The following SNX24 variants were observed in gnomAD, a reference collection of about 807,000 sequenced individuals.
The protein encoded by SNX24 is sorting nexin 24, also known as sorting nexin-24.
A neutral mutation model predicts 28.7 loss-of-function variants in SNX24; 22 were observed. The ratio of observed to expected loss-of-function variants is 0.77; its 90% CI spans 0.55 to 1.10. The LOEUF is 1.10. Among genes scored for constraint, SNX24 ranks in the 50% least tolerant of loss-of-function variants. The pLI is 0.00. For missense variants in SNX24, 221 were observed against 201.1 expected (o/e 1.10, Z -0.60); for synonymous variants, 69 against 71.5 (o/e 0.96, Z 0.18).
chr5:123,021,108 C>CG (rs953642987), intron 5 of SNX24, among the ~76,000 whole-genome samples: 32 of 150,764 alleles, frequency 2.1e-4, no homozygotes, highest in Non-Finnish European at 2.8e-4. Context: ...CACAGTTCCC[C>CG]CCCCGTCCCC....
chr5:123,019,842 TC>T (rs879441343), intron 5 of SNX24, among the ~76,000 whole-genome samples: 17 of 152,200 alleles, frequency 1.1e-4, no homozygotes, highest in Non-Finnish European at 2.1e-4. Context: ...AAGTAACAGT[TC>T]CTATTTTCAT....
chr5:122,952,803 T>C (rs1189819219), intron 3 of SNX24, among the ~76,000 whole-genome samples: 4 of 152,180 alleles, frequency 2.6e-5, no homozygotes, highest in Non-Finnish European at 5.9e-5. Context: ...ATGAGAGTTC[T>C]TAGAATTAAG....
At chr5:122,895,903 C>T (rs1425115143) in intron 1 of SNX24, among the ~76,000 whole-genome samples, 1 of 152,334 alleles carries the variant, frequency 6.6e-6, no homozygotes, top group East Asian at 1.9e-4. Flanking sequence ...AATCCCAGCA[C>T]TTTGGACAGC....
intron 5 of SNX24, chr5:123,023,729 T>G (rs1373856169): frequency 1.6e-6 from 2 of 1,265,478 alleles, no homozygotes; most frequent in Admixed American, 6.6e-5. Context: ...CGGTTTGATT[T>G]TTATAACTTT....
intron 1 of SNX24, among the ~76,000 whole-genome samples, chr5:122,848,636 G>C (rs1219946541): frequency 6.6e-6 from 1 of 152,094 alleles, no homozygotes; most frequent in African/African-American, 2.4e-5. Context: ...TTGAGCCCCG[G>C]AGGCGGAGGT....
chr5:122,965,041 G>T (rs1207820616), intron 3 of SNX24, among the ~76,000 whole-genome samples: 2 of 152,134 alleles, frequency 1.3e-5, no homozygotes, highest in Admixed American at 1.3e-4. Context: ...TGTTCTACAG[G>T]TGAAGTAGAA....
In SNX24 at chr5:122,987,332, A is replaced by G. The variant is rs142197195; in HGVS notation, c.250-12580A>G. Among the ~76,000 whole-genome samples, 92 of 152,318 alleles carry G rather than the reference A, an allele frequency of 6.0e-4. 1 individual carries two copies. Among genetic ancestry groups the G allele is most frequent in the African/African-American group, 2.1e-3 (87 of 41,574 alleles). ...AAATGAAAATTCTTAGGCCCCACCC[A>G]AGACCAGCTAGATCAGAAACTCTCT... On this transcript the variant is annotated intron_variant, in intron 3 of 6. Transcript: ENST00000261369.
intron 1 of SNX24, among the ~76,000 whole-genome samples, chr5:122,913,085 C>T (rs246296): frequency 0.18 from 27,994 of 152,174 alleles, 3,086 homozygotes; most frequent in East Asian, 0.48. Flanking sequence ...TAGTACAGAA[C>T]AAAATGAAAA....
At chr5:122,991,223 A>G (rs1191362724) in intron 3 of SNX24, among the ~76,000 whole-genome samples, 1 of 150,242 alleles carries the variant, frequency 6.7e-6, no homozygotes, top group Non-Finnish European at 1.5e-5. Flanking sequence ...ATTTATTTGG[A>G]TTTTTTTTTT....
chr5:123,005,605 T>C (rs531219910), intron 6 of SNX24, among the ~76,000 whole-genome samples: 1 of 152,246 alleles, frequency 6.6e-6, no homozygotes, highest in Admixed American at 6.5e-5. Context: ...ATACTTACAA[T>C]GTAATTTCAC....
intron 3 of SNX24, among the ~76,000 whole-genome samples, chr5:122,972,869 T>G (rs772334260): frequency 2.0e-5 from 3 of 152,202 alleles, no homozygotes; most frequent in Non-Finnish European, 4.4e-5. Context: ...TGATAGTCTC[T>G]GCTGCTGGCA....
chr5:122,982,007 G>A (rs1487136842), intron 3 of SNX24, among the ~76,000 whole-genome samples: 2 of 152,232 alleles, frequency 1.3e-5, no homozygotes, highest in Non-Finnish European at 2.9e-5. Context: ...GCAGGAAGCG[G>A]AAGAGAGTAA....
At chr5:123,029,061 G>A (rs1762905529) in intron 5 of SNX24, 5 of 817,622 alleles carry the variant, frequency 6.1e-6, no homozygotes, top group Non-Finnish European at 7.5e-6. Flanking sequence ...TGGAAGTAGA[G>A]TATTAATGTG....
rs1762502659 is a variant in SNX24, at chr5:123,008,898, A to G, written c.*1149A>G. 2.0e-6 allele frequency: 2 copies of G among 984,498 alleles called. No individual in the cohort carries two copies. Among genetic ancestry groups the G allele is most frequent in the African/African-American group, 1.7e-5 (1 of 57,210 alleles). 61.0% of individuals were successfully genotyped at this position (984,498 alleles called of 1,614,324 possible). A position where few individuals can be genotyped will look rare whatever the true frequency, so the allele number is the denominator to read the frequency against. ...TGTATGTGCTGTATGTGGGCATTTC[A>G]TTGAGATCTAATTAATAGCTAGCCT... is the stretch of plus-strand genomic sequence containing the variant. On this transcript the variant is annotated 3_prime_UTR_variant, in exon 7 of 7. Coordinates refer to ENST00000261369, the MANE Select transcript of SNX24 (RefSeq NM_014035.4).
intron 3 of SNX24, among the ~76,000 whole-genome samples, chr5:122,975,973 G>A (rs769478288): frequency 8.6e-5 from 13 of 152,008 alleles, no homozygotes; most frequent in African/African-American, 1.9e-4. Flanking sequence ...TAATTTGGCC[G>A]TGCTGTATGT....
intron 3 of SNX24, among the ~76,000 whole-genome samples, chr5:122,953,365 AG>A (rs1178045004): frequency 3.9e-5 from 6 of 152,188 alleles, no homozygotes; most frequent in Admixed American, 2.0e-4. Flanking sequence ...TTGGCCTCCC[AG>A]AGTGCTAGGA....
At chr5:122,982,474 A>G (rs1161937315) in intron 3 of SNX24, among the ~76,000 whole-genome samples, 1 of 152,236 alleles carries the variant, frequency 6.6e-6, no homozygotes. Context: ...TATAAAAAGC[A>G]TTTTTTATGA....
rs564009976 is a variant in SNX24 at position 122,912,361 on chromosome 5, A to T, written c.61-24373A>T. ...GCTGAAGTTGCTTATGAGCTTAAGG[A>T]GATTTTGGGCTGAGACAATGGGGTT... On this transcript the variant is annotated intron_variant, in intron 1 of 6. Coordinates refer to ENST00000261369, the MANE Select transcript of SNX24 (RefSeq NM_014035.4). 3.0e-4 allele frequency among the ~76,000 whole-genome samples: 46 copies of T among 151,468 alleles called. No homozygotes were observed. The South Asian group carries it at 9.7e-3, about 32-fold the overall frequency.
intron 1 of SNX24, among the ~76,000 whole-genome samples, chr5:122,911,611 T>G (rs1757892610): frequency 6.7e-6 from 1 of 148,752 alleles, no homozygotes; most frequent in Non-Finnish European, 1.5e-5. Context: ...AGGTCTAACG[T>G]TTAAGTCTTT....
Sources: gnomAD v4.1 joint callset for allele counts (sites outside exome capture counted in the v4.1 genomes callset) on GRCh38, gnomAD v4.1.1 for gene constraint, MANE v1.5 for transcripts, NCBI Gene and HGNC (gene_info 2026-07-23, HGNC 2026-07-21) for gene names.